Variants in FBXO42 observed in about 807,000 individuals in gnomAD.
FBXO42 encodes the protein F-box only protein 42.
In FBXO42, 12 loss-of-function variants were observed where a neutral mutation model predicts 71.7. That is an observed-to-expected ratio of 0.17 (90% confidence interval 0.11 to 0.27). FBXO42 has a LOEUF of 0.27. Among genes scored for constraint, FBXO42 ranks in the 10% least tolerant of loss-of-function variants. The pLI, the probability that FBXO42 is intolerant of heterozygous loss-of-function variation, is 1.00. For synonymous variants in FBXO42, 325 were observed against 327.5 expected, an observed-to-expected ratio of 0.99 and a Z score of 0.08; for missense variants, 707 against 911.9, an observed-to-expected ratio of 0.78 and a Z score of 2.89.
At chr1:16,327,077 G>C (rs908865362) in intron 1 of FBXO42, among the ~76,000 whole-genome samples, 3 of 152,120 alleles carry the variant, frequency 2.0e-5, no homozygotes, top group African/African-American at 7.2e-5. Context: ...CTACTTGAGA[G>C]CAGAGACTAA....
intron 1 of FBXO42, among the ~76,000 whole-genome samples, chr1:16,330,989 C>T (rs1460460137): frequency 1.3e-5 from 2 of 151,708 alleles, no homozygotes; most frequent in African/African-American, 2.4e-5. Context: ...GGCATGGTGG[C>T]GCGTGCCTGT....
At chr1:16,318,440 A>G (rs940963404) in intron 1 of FBXO42, among the ~76,000 whole-genome samples, 14 of 152,184 alleles carry the variant, frequency 9.2e-5, no homozygotes, top group African/African-American at 2.4e-4. Context: ...AAAGTTGCCA[A>G]AATAAGCCAT....
rs1464545010 is a variant in FBXO42 at position 16,247,914 on chromosome 1, G to A, written c.*2756C>T. 1.3e-5 allele frequency: 2 copies of A among 152,178 alleles called. No individual in the cohort carries two copies. Among genetic ancestry groups the A allele is most frequent in the Non-Finnish European group, 2.9e-5 (2 of 68,028 alleles). The allele number at this position is 152,178 out of a possible 1,614,324, so 9.4% of individuals were successfully genotyped here. A position where few individuals can be genotyped will look rare whatever the true frequency, so the allele number is the denominator to read the frequency against. The stretch of plus-strand genomic sequence containing the variant: ...TAAGATGGACAAGGTGACCAGTGAA[G>A]TCACTAGGCCATGGGAGCTCTCAAA... On this transcript the variant is annotated 3_prime_UTR_variant, in exon 10 of 10. Transcript: ENST00000375592.
intron 3 of FBXO42, among the ~76,000 whole-genome samples, chr1:16,303,637 G>A (rs1041943184): frequency 6.6e-6 from 1 of 151,414 alleles, no homozygotes; most frequent in African/African-American, 2.4e-5. Flanking sequence ...GCATGATCTC[G>A]ACTCACTGCA....
chr1:16,298,017 G>C (rs1376903466), intron 3 of FBXO42, among the ~76,000 whole-genome samples: 1 of 152,146 alleles, frequency 6.6e-6, no homozygotes, highest in African/African-American at 2.4e-5. Flanking sequence ...CTTGAGGTCA[G>C]GAGTTCGAGT....
chr1:16,254,874 G>T (rs1460794849), intron 6 of FBXO42, among the ~76,000 whole-genome samples: 4 of 152,218 alleles, frequency 2.6e-5, no homozygotes, highest in Non-Finnish European at 5.9e-5. Context: ...GAAATGTCAT[G>T]CCTGACACAG....
At chr1:16,309,523 C>T (rs773718980) in intron 2 of FBXO42, among the ~76,000 whole-genome samples, 12 of 152,272 alleles carry the variant, frequency 7.9e-5, no homozygotes, top group African/African-American at 1.4e-4. Flanking sequence ...TAAAACTCCT[C>T]GAAGATAACA....
At chr1:16,323,097 A>G (rs2082421182) in intron 1 of FBXO42, among the ~76,000 whole-genome samples, 1 of 152,188 alleles carries the variant, frequency 6.6e-6, no homozygotes, top group Admixed American at 6.6e-5. Context: ...ATGCAATCAA[A>G]CGTATTTGTC....
intron 1 of FBXO42, among the ~76,000 whole-genome samples, chr1:16,329,953 C>T (rs1237322463): frequency 6.7e-6 from 1 of 148,562 alleles, no homozygotes; most frequent in Admixed American, 6.7e-5. Context: ...CATCTCAGGG[C>T]GGGGGAAACA....
At chr1:16,323,019 G>A (rs949998039) in intron 1 of FBXO42, among the ~76,000 whole-genome samples, 1 of 152,202 alleles carries the variant, frequency 6.6e-6, no homozygotes, top group Non-Finnish European at 1.5e-5. Context: ...CAATCCTCTT[G>A]TGGTAAACAC....
chr1:16,325,050 C>T (rs944086972), intron 1 of FBXO42, among the ~76,000 whole-genome samples: 5 of 152,068 alleles, frequency 3.3e-5, no homozygotes, highest in African/African-American at 4.8e-5. Context: ...CCAGCCAAAG[C>T]AACAAAGTGA....
intron 1 of FBXO42, among the ~76,000 whole-genome samples, chr1:16,343,389 C>CA (rs56298793): frequency 0.26 from 39,486 of 151,732 alleles, 5,890 homozygotes; most frequent in Non-Finnish European, 0.34. Flanking sequence ...ACAAAAAACA[C>CA]AAAAAAATTA....
chr1:16,352,004 G>A (rs1015152057), intron 1 of FBXO42, among the ~76,000 whole-genome samples: 1 of 152,140 alleles, frequency 6.6e-6, no homozygotes, highest in Non-Finnish European at 1.5e-5. Context: ...GAGGGGACGA[G>A]AACCACCCTG....
chr1:16,351,155 A>G (rs867117154), intron 1 of FBXO42, among the ~76,000 whole-genome samples: 1 of 152,188 alleles, frequency 6.6e-6, no homozygotes, highest in Non-Finnish European at 1.5e-5. Flanking sequence ...GTTACAAAAG[A>G]TATTTTGGTG....
intron 1 of FBXO42, among the ~76,000 whole-genome samples, chr1:16,337,883 C>CAAACAAAAAAAAAAAAA (rs2082565964): frequency 2.6e-5 from 1 of 38,838 alleles, no homozygotes; most frequent in Non-Finnish European, 4.4e-5. Flanking sequence ...GACTCCGTCT[C>CAAACAAAAAAAAAAAAA]AAAAAAAAAA....
chr1:16,319,838 G>A (rs2082397786), intron 1 of FBXO42, among the ~76,000 whole-genome samples: 1 of 151,940 alleles, frequency 6.6e-6, no homozygotes, highest in Non-Finnish European at 1.5e-5. Context: ...TTGAACCTGG[G>A]AGGCAGAGGT....
At chr1:16,310,998 A>C (rs559128585) in intron 2 of FBXO42, among the ~76,000 whole-genome samples, 2 of 116,074 alleles carry the variant, frequency 1.7e-5, no homozygotes, top group South Asian at 2.6e-4. Flanking sequence ...AACAAACAAA[A>C]AAACTCAACA....
intron 3 of FBXO42, 88 bp downstream of exon 3, chr1:16,305,715 A>G: frequency 8.5e-7 from 1 of 1,176,442 alleles, no homozygotes; most frequent in Non-Finnish European, 1.3e-6. Flanking sequence ...CCTTGTCTCA[A>G]AAACAAACAA....
chr1:16,270,944 G>GGA (rs1553150289), intron 4 of FBXO42, among the ~76,000 whole-genome samples: 7 of 145,480 alleles, frequency 4.8e-5, no homozygotes, highest in African/African-American at 1.8e-4. Flanking sequence ...GCCAAGGGGG[G>GGA]AAAAAAAAAA....
Sources: gnomAD v4.1 joint callset for allele counts (sites outside exome capture counted in the v4.1 genomes callset) on GRCh38, gnomAD v4.1.1 for gene constraint, MANE v1.5 for transcripts, NCBI Gene and HGNC (gene_info 2026-07-23, HGNC 2026-07-21) for gene names.